PTPRN2: variants seen among roughly 807,000 people sequenced by gnomAD.
The protein encoded by PTPRN2 is protein tyrosine phosphatase receptor type N2.
PTPRN2 carries 74 observed loss-of-function variants against 118.8 expected under a neutral mutation model. That is an observed-to-expected ratio of 0.62 (90% confidence interval 0.52 to 0.76). The LOEUF is 0.76. Among genes scored for constraint, PTPRN2 ranks in the 30% least tolerant of loss-of-function variants. The pLI, the probability that PTPRN2 is intolerant of heterozygous loss-of-function variation, is 0.00. For synonymous variants in PTPRN2, 641 were observed against 608.0 expected (o/e 1.05, Z -0.80); for missense variants, 1,481 against 1,394.4 (o/e 1.06, Z -0.99).
In PTPRN2 at chr7:157,598,721, G is replaced by A. The variant is rs189466105; in HGVS notation, c.2419-3406C>T. ...AACGCCAAGCTGTCAGGCGGTCTGC[G>A]GCCCGTGAACACGCGTCCATGCTGT... On this transcript the variant is annotated intron_variant, in intron 16 of 22. Transcript: ENST00000389418. This position sits in a 1 kb window ranked among gnomAD's most constrained non-coding sequence, Gnocchi z 5.2. Among the ~76,000 whole-genome samples, 613 of 152,296 alleles carry A rather than the reference G, an allele frequency of 4.0e-3. 5 individuals are homozygous for A. The highest frequency in any genetic ancestry group is 6.8e-3 in the Non-Finnish European group (462 of 68,034).
intron 12 of PTPRN2, among the ~76,000 whole-genome samples, chr7:157,844,796 G>A (rs1808682062): frequency 6.6e-6 from 1 of 152,232 alleles, no homozygotes; most frequent in African/African-American, 2.4e-5. Context: ...GCTGGGCGCT[G>A]CCTGCATCTG....
At chr7:157,936,080 C>T (rs539339998) in intron 11 of PTPRN2, among the ~76,000 whole-genome samples, 206 of 152,334 alleles carry the variant, frequency 1.4e-3, no homozygotes, top group Non-Finnish European at 2.5e-3. Flanking sequence ...GTCCTGTGTG[C>T]TTCGCAATCC....
chr7:158,319,424 A>ACACACACAGCCTCCCT (rs1802645078), intron 2 of PTPRN2, among the ~76,000 whole-genome samples: 2 of 103,168 alleles, frequency 1.9e-5, no homozygotes, highest in Non-Finnish European at 4.1e-5. Context: ...CCTCCCACAC[A>ACACACACAGCCTCCCT]CACACACACA....
chr7:158,553,142 T>C (rs1369811749), intron 1 of PTPRN2, among the ~76,000 whole-genome samples: 1 of 152,042 alleles, frequency 6.6e-6, no homozygotes, highest in Non-Finnish European at 1.5e-5. Context: ...CACACAGGCT[T>C]GGGAGTCTAT....
chr7:158,351,961 G>A (rs1807996978), intron 2 of PTPRN2, among the ~76,000 whole-genome samples: 16 of 114,498 alleles, frequency 1.4e-4, no homozygotes, highest in African/African-American at 5.4e-4. Flanking sequence ...CCTCCTGTCC[G>A]CTCCCCTCCT....
chr7:158,103,615 C>T (rs1815424645), intron 10 of PTPRN2, among the ~76,000 whole-genome samples: 1 of 152,198 alleles, frequency 6.6e-6, no homozygotes, highest in Non-Finnish European at 1.5e-5. Context: ...TTCTCTAGCA[C>T]TGTCCGATTT....
intron 3 of PTPRN2, among the ~76,000 whole-genome samples, chr7:158,316,115 G>C (rs765628226): frequency 2.0e-5 from 3 of 152,222 alleles, no homozygotes; most frequent in Non-Finnish European, 4.4e-5. Context: ...CCGGGGGGCA[G>C]GTGGTTCCGC....
chr7:158,449,678 C>T (rs1023893738), intron 2 of PTPRN2, among the ~76,000 whole-genome samples: 1 of 152,184 alleles, frequency 6.6e-6, no homozygotes, highest in Non-Finnish European at 1.5e-5. Flanking sequence ...TAGTGATTTC[C>T]AAACTCATGG....
At chr7:158,113,008 G>A (rs1411266731) in intron 9 of PTPRN2, among the ~76,000 whole-genome samples, 1 of 151,302 alleles carries the variant, frequency 6.6e-6, no homozygotes, top group Non-Finnish European at 1.5e-5. Flanking sequence ...GGATCCCCCA[G>A]CATTGAGGGC....
intron 2 of PTPRN2, among the ~76,000 whole-genome samples, chr7:158,385,668 G>A (rs1451025056): frequency 6.6e-6 from 1 of 152,082 alleles, no homozygotes; most frequent in Non-Finnish European, 1.5e-5. Context: ...TACAAATGCT[G>A]GCATACAGAA....
rs1824681833 is a variant in PTPRN2, at chr7:158,525,246, G to A, written c.113-35461C>T. 6.6e-6 allele frequency among the ~76,000 whole-genome samples: 1 copy of A among 152,232 alleles called. No homozygotes were observed. The highest frequency in any genetic ancestry group is 2.4e-5 in the African/African-American group (1 of 41,466). On this transcript the variant is annotated intron_variant, in intron 1 of 22. Coordinates refer to ENST00000389418, the MANE Select transcript of PTPRN2 (RefSeq NM_002847.5). The surrounding 1 kb of genome is among the most constrained non-coding windows in gnomAD (Gnocchi z 4.1). ...AAGCACCTCTGGCAAGTAGTCCAGA[G>A]GTGAAAGTTTCTCTATTTTGGAAAC...
intron 2 of PTPRN2, among the ~76,000 whole-genome samples, chr7:158,333,913 T>A (rs1389414292): frequency 2.5e-3 from 337 of 133,570 alleles, no homozygotes; most frequent in African/African-American, 1.0e-2. Context: ...CAGACGTCAC[T>A]CACACCCACA....
chr7:157,561,244 C>T (rs923178787), intron 21 of PTPRN2, among the ~76,000 whole-genome samples: 10 of 152,300 alleles, frequency 6.6e-5, no homozygotes, highest in African/African-American at 2.4e-4. Context: ...CCCGGCCGGT[C>T]TCCCCGCCCT....
rs374347027 is a variant in PTPRN2 at position 158,244,583 on chromosome 7, C to T, written c.278-39310G>A. ...TTTTGTGTGAAAATGAGTGTGTGAG[C>T]GTGAGTTTTGTCTGAGTTGTGTGTA... On this transcript the variant is annotated intron_variant, in intron 3 of 22. Coordinates refer to ENST00000389418, the MANE Select transcript of PTPRN2 (RefSeq NM_002847.5). 9.9e-5 allele frequency among the ~76,000 whole-genome samples: 15 copies of T among 151,616 alleles called. No individual in the cohort carries two copies. In the East Asian group the frequency reaches 1.4e-3, roughly 14 times the overall value.
chr7:157,921,707 A>C (rs1585020114), intron 11 of PTPRN2, among the ~76,000 whole-genome samples: 1 of 152,354 alleles, frequency 6.6e-6, no homozygotes, highest in Admixed American at 6.5e-5. Flanking sequence ...TGGCGCAGTA[A>C]GAAAGCCCTT....
chr7:158,024,543 G>A (rs1196875859), intron 11 of PTPRN2, among the ~76,000 whole-genome samples: 15 of 152,198 alleles, frequency 9.9e-5, no homozygotes, highest in Admixed American at 4.6e-4. Context: ...AGGGACACTC[G>A]CTGCCCACGT....
rs188993607 is a variant in PTPRN2 at position 157,703,029 on chromosome 7, G to A, written c.1789-20092C>T. Among the ~76,000 whole-genome samples the A allele has an allele frequency of 1.3e-4, 20 of 152,312 alleles. No homozygotes were observed. In the East Asian group the frequency reaches 2.1e-3, roughly 16 times the overall value. On this transcript the variant is annotated intron_variant, in intron 12 of 22. Transcript: ENST00000389418. ...GATGAAGGGGAGAAAAGGAAGTATC[G>A]AAAGTTTGGAAAAATAGAGAAATAA...
intron 15 of PTPRN2, chr7:157,616,971 T>C (rs1802812775): frequency 6.6e-6 from 1 of 152,246 alleles, no homozygotes; most frequent in African/African-American, 2.4e-5. Flanking sequence ...AATACTTCTG[T>C]AGAAGTTTGA....
At chr7:158,365,201 C>T (rs1306489639) in intron 2 of PTPRN2, among the ~76,000 whole-genome samples, 12 of 152,212 alleles carry the variant, frequency 7.9e-5, no homozygotes, top group Non-Finnish European at 1.8e-4. Flanking sequence ...TCCTTGCGAG[C>T]GCCTCACGTG....
Sources: allele counts gnomAD v4.1 joint callset (sites outside exome capture counted in the v4.1 genomes callset), GRCh38; gene constraint gnomAD v4.1.1; non-coding constraint Gnocchi (gnomAD v3.1); transcripts MANE v1.5; gene names NCBI Gene and HGNC (gene_info 2026-07-23, HGNC 2026-07-21).